The following CEP112 variants were observed in gnomAD, a reference collection of about 807,000 sequenced individuals.
The protein encoded by CEP112 is centrosomal protein 112.
CEP112 carries 127 observed loss-of-function variants against 153.0 expected under a neutral mutation model. That is an observed-to-expected ratio of 0.83 (90% CI 0.72 to 0.96). CEP112 has a LOEUF of 0.96. Ranked by LOEUF, CEP112 falls within the 40% of genes least tolerant of loss-of-function variation. The pLI, the probability that CEP112 is intolerant of heterozygous loss-of-function variation, is 0.00. For synonymous variants in CEP112, 358 were observed against 374.4 expected (o/e 0.96, Z 0.51); for missense variants, 1,089 against 1,101.2 (o/e 0.99, Z 0.16).
At chr17:66,111,119 C>T (rs762120763) in intron 6 of CEP112, among the ~76,000 whole-genome samples, 11 of 152,160 alleles carry the variant, frequency 7.2e-5, no homozygotes, top group Admixed American at 7.2e-4. Flanking sequence ...CTCAATATCA[C>T]TGATCATTAG....
At chr17:65,971,317 A>G (rs975182205) in intron 17 of CEP112, among the ~76,000 whole-genome samples, 9 of 149,376 alleles carry the variant, frequency 6.0e-5, no homozygotes, top group South Asian at 2.2e-4. Context: ...GTGTTTTACA[A>G]GTCTTAAAAA....
At chr17:65,643,870 C>T (rs2045288029) in intron 24 of CEP112, among the ~76,000 whole-genome samples, 2 of 152,184 alleles carry the variant, frequency 1.3e-5, no homozygotes, top group South Asian at 4.1e-4. Flanking sequence ...ATGTCCTGCT[C>T]AGCTGTGTTG....
chr17:65,843,190 T>G (rs1245219107), intron 21 of CEP112, among the ~76,000 whole-genome samples: 2 of 152,200 alleles, frequency 1.3e-5, no homozygotes, highest in Non-Finnish European at 2.9e-5. Context: ...GTACACATCC[T>G]AAGTTTTCCA....
intron 23 of CEP112, among the ~76,000 whole-genome samples, chr17:65,712,658 C>T (rs1203880226): frequency 6.6e-6 from 1 of 151,910 alleles, no homozygotes; most frequent in African/African-American, 2.4e-5. Flanking sequence ...CTTTGAGCAA[C>T]AACAAAAAAA....
intron 8 of CEP112, among the ~76,000 whole-genome samples, chr17:66,084,157 T>C (rs1274428180): frequency 3.9e-5 from 6 of 152,074 alleles, no homozygotes; most frequent in Admixed American, 6.6e-5. Context: ...AGATAGGTAA[T>C]AACAAATGCT....
intron 18 of CEP112, among the ~76,000 whole-genome samples, chr17:65,938,414 T>TTAAA (rs1441454566): frequency 2.5e-4 from 13 of 52,630 alleles, no homozygotes; most frequent in Middle Eastern, 0.012. Context: ...GAATGATCAA[T>TTAAA]AAAAAAAAAA....
intron 18 of CEP112, among the ~76,000 whole-genome samples, chr17:65,927,924 T>C (rs1336001036): frequency 1.3e-5 from 2 of 152,154 alleles, no homozygotes; most frequent in Non-Finnish European, 2.9e-5. Flanking sequence ...ATTACAACAA[T>C]AATGCAGTGA....
At chr17:66,054,563 C>T (rs889547176) in intron 11 of CEP112, among the ~76,000 whole-genome samples, 1 of 152,130 alleles carries the variant, frequency 6.6e-6, no homozygotes, top group Non-Finnish European at 1.5e-5. Context: ...TACAGGAGGT[C>T]CAGACAAGCT....
intron 24 of CEP112, among the ~76,000 whole-genome samples, chr17:65,649,677 C>T (rs1703321366): frequency 6.9e-6 from 1 of 145,918 alleles, no homozygotes; most frequent in South Asian, 2.1e-4. Flanking sequence ...TATGTTTGTG[C>T]CACTGCACCC....
chr17:66,014,408 G>A (rs1414598362), intron 16 of CEP112, among the ~76,000 whole-genome samples: 1 of 152,188 alleles, frequency 6.6e-6, no homozygotes, highest in Non-Finnish European at 1.5e-5. Context: ...AGGTAAGACT[G>A]GCCCCATCTG....
chr17:66,091,990 A>G (rs1221317269), intron 8 of CEP112, among the ~76,000 whole-genome samples: 1 of 152,066 alleles, frequency 6.6e-6, no homozygotes, highest in East Asian at 1.9e-4. Flanking sequence ...GAAATAAAAA[A>G]GCTGAAGAAA....
rs565838972 is a variant in CEP112, at chr17:66,063,154, A to G, written c.956-73T>C. ...AGTTTGATGATATAAAATTTAGTGC[A>G]CCAGTTAGTAGGTAATTCAATTTTT... On this transcript the variant is annotated intron_variant, in intron 10 of 26. Coordinates refer to ENST00000535342, the MANE Select transcript of CEP112 (RefSeq NM_001199165.4). The G allele has an allele frequency of 3.1e-5, 18 of 572,866 alleles. No individual in the cohort carries two copies. In the South Asian group the frequency reaches 5.7e-4, roughly 18 times the overall value. The allele number at this position is 572,866 out of a possible 1,614,324, so 35.5% of individuals were successfully genotyped here.
At chr17:65,817,091 C>T (rs2056312790) in intron 21 of CEP112, among the ~76,000 whole-genome samples, 1 of 151,758 alleles carries the variant, frequency 6.6e-6, no homozygotes, top group Non-Finnish European at 1.5e-5. Context: ...TTTTCTGCCT[C>T]ACTTAAAAAT....
At chr17:66,110,645 C>T (rs927391632) in intron 6 of CEP112, among the ~76,000 whole-genome samples, 39 of 149,294 alleles carry the variant, frequency 2.6e-4, no homozygotes, top group African/African-American at 9.6e-4. Flanking sequence ...GTTATGGCCT[C>T]AATCTAGAAA....
At chr17:65,815,129 G>GT (rs899735651) in intron 21 of CEP112, among the ~76,000 whole-genome samples, 81 of 152,116 alleles carry the variant, frequency 5.3e-4, no homozygotes, top group African/African-American at 1.8e-3. Context: ...GGTGCCCTAT[G>GT]TTTCTTCCAA....
chr17:65,851,788 TA>T lies in CEP112; in HGVS notation c.2394+15del. The T allele has an allele frequency of 6.3e-7, 1 of 1,579,536 alleles. No individual in the cohort carries two copies. The highest frequency in any genetic ancestry group is 1.4e-5 in the African/African-American group (1 of 73,856). Reference sequence around the variant, plus strand: ...GGATTTCAACTGCCTATTAAAAAACTAGTTAAATATCTTACCTTTTCCAGTG... The same window carrying T: ...GGATTTCAACTGCCTATTAAAAAACTGTTAAATATCTTACCTTTTCCAGTG... On this transcript the variant is annotated intron_variant, in intron 21 of 26. Transcript: ENST00000535342.
In CEP112 at chr17:65,674,561, CTA is replaced by C. The variant is rs145289980; in HGVS notation, c.2697+14566_2697+14567del. Among the ~76,000 whole-genome samples, 1,221 of 152,278 alleles carry C rather than the reference CTA, an allele frequency of 8.0e-3. 20 individuals carry two copies. Among genetic ancestry groups the C allele is most frequent in the African/African-American group, 0.028 (1,157 of 41,564 alleles). On this transcript the variant is annotated intron_variant, in intron 24 of 26. Transcript: ENST00000535342. ...TCAGGAGGAGTGTCTGATAAAATCC[CTA>C]TACTTTGGGTGGATTCCAAAGGGCT...
chr17:65,656,308 G>A (rs1301906444), intron 24 of CEP112, among the ~76,000 whole-genome samples: 1 of 152,214 alleles, frequency 6.6e-6, no homozygotes, highest in Admixed American at 6.5e-5. Flanking sequence ...GGGAAGAATT[G>A]AGAAGTGGAG....
chr17:66,027,595 T>C, intron 15 of CEP112, 35 bp from the exon 16 acceptor site: 1 of 1,167,768 alleles, frequency 8.6e-7, no homozygotes, highest in Non-Finnish European at 1.1e-6. Context: ...TATTATACTT[T>C]AAATTATACT....
Sources: allele counts gnomAD v4.1 joint callset (sites outside exome capture counted in the v4.1 genomes callset), GRCh38; gene constraint gnomAD v4.1.1; transcripts MANE v1.5; gene names NCBI Gene and HGNC (gene_info 2026-07-23, HGNC 2026-07-21).